Variants in HHIP observed in about 807,000 individuals in gnomAD.
The protein encoded by HHIP is hedgehog-interacting protein.
In HHIP, 12 loss-of-function variants were observed where a neutral mutation model predicts 74.0. The ratio of observed to expected loss-of-function variants is 0.16; its 90% CI spans 0.10 to 0.26. The LOEUF is 0.26. Ranked by LOEUF, HHIP falls within the 10% of genes least tolerant of loss-of-function variation. HHIP has a pLI of 1.00. For synonymous variants in HHIP, 309 were observed against 311.6 expected (o/e 0.99, Z 0.09); for missense variants, 788 against 845.0 (o/e 0.93, Z 0.84).
rs1179232472 is a variant in HHIP, at chr4:144,738,279, ATTAT to A, written c.*325_*328del. 1 of 984,104 alleles carries A rather than the reference ATTAT, an allele frequency of 1.0e-6. No homozygotes were observed. Among genetic ancestry groups the A allele is most frequent in the African/African-American group, 1.7e-5 (1 of 57,378 alleles). The allele number at this position is 984,104 out of a possible 1,614,324, so 61.0% of individuals were successfully genotyped here. Reference sequence around the variant, plus strand: ...TGGATTTTTTATGTTACTAGAAGAGATTATTTGACTTCCCAGGAATTTTCTGTCT... The same window carrying A: ...TGGATTTTTTATGTTACTAGAAGAGATTGACTTCCCAGGAATTTTCTGTCT... On this transcript the variant is annotated 3_prime_UTR_variant, in exon 13 of 13. Transcript: ENST00000296575.
At chr4:144,656,687 A>G (rs955417437) in intron 2 of HHIP, among the ~76,000 whole-genome samples, 1 of 152,180 alleles carries the variant, frequency 6.6e-6, no homozygotes, top group South Asian at 2.1e-4. Flanking sequence ...CCATAGTATG[A>G]CAGTCTTCCT....
chr4:144,652,639 A>G lies in HHIP; in HGVS notation c.314A>G (p.Lys105Arg). ...FSVTNNTECG[K>R]LLEEIKCALC... ...GTTACCAACAACACAGAATGTGGGA[A>G]GTTACTGGAGGAAATCAAATGTGCA... Residue 105 changes from lysine to arginine, a missense_variant, in exon 2 of 13, where the codon AAG becomes AGG. Lys to Arg is a conservative substitution (Grantham distance 26). Transcript: ENST00000296575. 1.2e-6 allele frequency: 2 copies of G among 1,610,272 alleles called. No individual in the cohort carries two copies. Among genetic ancestry groups the G allele is most frequent in the African/African-American group, 1.3e-5 (1 of 74,938 alleles).
rs1234025939 is a variant in HHIP at position 144,738,383 on chromosome 4, G to A, written c.*426G>A. ...TCCGATGGATCTAATTAAAAAAAAG[G>A]CAATATTTTTATATTAAAGTACTAT... On this transcript the variant is annotated 3_prime_UTR_variant, in exon 13 of 13. Transcript: ENST00000296575. 3 of 974,210 alleles carry A rather than the reference G, an allele frequency of 3.1e-6. No homozygotes were observed. Among genetic ancestry groups the A allele is most frequent in the Non-Finnish European group, 3.7e-6 (3 of 819,578 alleles). The allele number at this position is 974,210 out of a possible 1,614,324, so 60.3% of individuals were successfully genotyped here. A position where few individuals can be genotyped will look rare whatever the true frequency, so the allele number is the denominator to read the frequency against.
chr4:144,715,323 G>T lies in HHIP; in HGVS notation c.1571G>T (p.Ser524Ile). Residue 524 changes from serine (S) to isoleucine (I), a missense_variant, in exon 10 of 13, where the codon AGT becomes ATT. Physicochemically the swap from Ser to Ile is moderately radical, Grantham distance 142. Coordinates refer to ENST00000296575, the MANE Select transcript of HHIP (RefSeq NM_022475.3). ...RNGNFLTLQQ[S>I]PVTKQWQEKP... ...AGGAATTTCCTAACTCTCCAGCAAAGTCCTGTGACAAAGCAGTGGCAAGAA... is the reference window on the plus strand; with the variant it reads ...AGGAATTTCCTAACTCTCCAGCAAATTCCTGTGACAAAGCAGTGGCAAGAA... 6.2e-7 allele frequency: 1 copy of T among 1,613,332 alleles called. No homozygotes were observed. The highest frequency in any genetic ancestry group is 1.3e-5 in the African/African-American group (1 of 74,996).
chr4:144,733,818 C>T (rs1731031694), intron 11 of HHIP, among the ~76,000 whole-genome samples: 1 of 152,106 alleles, frequency 6.6e-6, no homozygotes, highest in East Asian at 1.9e-4. Flanking sequence ...GCAGTTGTGA[C>T]CATGACTCCA....
chr4:144,735,027 C>T (rs969475824), intron 12 of HHIP, 138 bp downstream of exon 12: 4 of 699,112 alleles, frequency 5.7e-6, no homozygotes, highest in Non-Finnish European at 8.6e-6. Flanking sequence ...TATTAATGCT[C>T]ATCTGTTTAT....
Position 144,744,453 on chromosome 4 carries a change from C to A in HHIP, c.*6496C>A, listed in dbSNP as rs1731333103. ...TACTCGCAGGAGACACCAGACCCAA[C>A]CCATGCTTAGATTTCTGTTAATAAA... On this transcript the variant is annotated 3_prime_UTR_variant, in exon 13 of 13. Transcript: ENST00000296575. 1.3e-5 allele frequency: 2 copies of A among 152,130 alleles called. No homozygotes were observed. Among genetic ancestry groups the A allele is most frequent in the Admixed American group, 1.3e-4 (2 of 15,260 alleles). 9.4% of individuals were successfully genotyped at this position (152,130 alleles called of 1,614,324 possible).
chr4:144,700,573 G>A (rs1729945999), intron 4 of HHIP, among the ~76,000 whole-genome samples: 1 of 152,190 alleles, frequency 6.6e-6, no homozygotes, highest in Non-Finnish European at 1.5e-5. Flanking sequence ...AAAAGTGGAA[G>A]AGGAAGACAA....
intron 11 of HHIP, among the ~76,000 whole-genome samples, chr4:144,731,449 C>T (rs1730951639): frequency 6.6e-6 from 1 of 152,088 alleles, no homozygotes; most frequent in Non-Finnish European, 1.5e-5. Flanking sequence ...GATGGGGTTT[C>T]ACTCTTGTTG....
chr4:144,655,059 G>A (rs180944582), intron 2 of HHIP: 216 of 152,188 alleles, frequency 1.4e-3, no homozygotes, highest in African/African-American at 4.7e-3. Context: ...TTAACCATTT[G>A]CTTTGACTTC....
At chr4:144,672,368 T>C (rs559946977) in intron 4 of HHIP, among the ~76,000 whole-genome samples, 1 of 152,292 alleles carries the variant, frequency 6.6e-6, no homozygotes, top group East Asian at 1.9e-4. Flanking sequence ...AATGACAAGA[T>C]AATGTCTTGA....
chr4:144,675,102 C>T (rs1729137223), intron 4 of HHIP, among the ~76,000 whole-genome samples: 1 of 152,082 alleles, frequency 6.6e-6, no homozygotes, highest in Admixed American at 6.6e-5. Context: ...ACCTAATAAG[C>T]ATTTATTTCT....
chr4:144,682,058 A>G (rs1362222006), intron 4 of HHIP, among the ~76,000 whole-genome samples: 1 of 152,232 alleles, frequency 6.6e-6, no homozygotes, highest in Non-Finnish European at 1.5e-5. Flanking sequence ...ATTAATCTTC[A>G]TTGTTTAACA....
chr4:144,731,468 G>A (rs1730951996), intron 11 of HHIP, among the ~76,000 whole-genome samples: 2 of 152,116 alleles, frequency 1.3e-5, no homozygotes, highest in South Asian at 4.2e-4. Context: ...TGCCCAGGCT[G>A]GAGTGCAATG....
intron 11 of HHIP, among the ~76,000 whole-genome samples, chr4:144,727,433 T>C (rs918086716): frequency 2.0e-5 from 3 of 152,164 alleles, no homozygotes; most frequent in Non-Finnish European, 4.4e-5. Flanking sequence ...ACAGCCCCCT[T>C]ATTTTAAGTG....
In HHIP at chr4:144,717,576, T is replaced by C. The variant is rs186720043; in HGVS notation, c.1679-1299T>C. The stretch of plus-strand genomic sequence containing the variant: ...ATTATAAATATGGCTTCAAATTTTC[T>C]ATTCACATGATCAATTCAACACATA... On this transcript the variant is annotated intron_variant, in intron 10 of 12. Transcript: ENST00000296575. Among the ~76,000 whole-genome samples, 913 of 152,340 alleles carry C rather than the reference T, an allele frequency of 6.0e-3. 1 individual carries two copies. The highest frequency in any genetic ancestry group is 0.01 in the Non-Finnish European group (692 of 68,032).
intron 4 of HHIP, among the ~76,000 whole-genome samples, chr4:144,665,451 T>C (rs1053514010): frequency 3.9e-5 from 6 of 152,212 alleles, no homozygotes; most frequent in Non-Finnish European, 8.8e-5. Flanking sequence ...TATTGAGTGT[T>C]GCTGATCCTT....
In HHIP at chr4:144,646,521, C is replaced by T. The variant is rs1307394009; in HGVS notation, c.-155C>T. On this transcript the variant is annotated 5_prime_UTR_variant, in exon 1 of 13. Transcript: ENST00000296575. Reference sequence around the variant, plus strand: ...TCTTTTATTTTTTGCAAAGTTGCATCGCTGTACATATTTTTGTCCCCGCCA... The same window carrying T: ...TCTTTTATTTTTTGCAAAGTTGCATTGCTGTACATATTTTTGTCCCCGCCA... 1 of 678,806 alleles carries T rather than the reference C, an allele frequency of 1.5e-6. No individual in the cohort carries two copies. The highest frequency in any genetic ancestry group is 2.5e-6 in the Non-Finnish European group (1 of 404,124). The allele number at this position is 678,806 out of a possible 1,614,324, so 42.0% of individuals were successfully genotyped here.
In HHIP at chr4:144,744,759, A is replaced by T. The variant is rs760492034; in HGVS notation, c.*6802A>T. On this transcript the variant is annotated 3_prime_UTR_variant, in exon 13 of 13. Coordinates refer to ENST00000296575, the MANE Select transcript of HHIP (RefSeq NM_022475.3). Reference sequence around the variant, plus strand: ...CTACCATGATTATGTGCTGTAGAAAAGACAAGGACATTTACTAGGGGGGGA... The same window carrying T: ...CTACCATGATTATGTGCTGTAGAAATGACAAGGACATTTACTAGGGGGGGA... 4 of 105,448 alleles carry T rather than the reference A, an allele frequency of 3.8e-5. No individual in the cohort carries two copies. The highest frequency in any genetic ancestry group is 7.8e-5 in the Non-Finnish European group (4 of 51,292). The allele number at this position is 105,448 out of a possible 1,614,324, so 6.5% of individuals were successfully genotyped here. A position where few individuals can be genotyped will look rare whatever the true frequency, so the allele number is the denominator to read the frequency against.
Sources: gnomAD v4.1 joint callset for allele counts (sites outside exome capture counted in the v4.1 genomes callset) on GRCh38, gnomAD v4.1.1 for gene constraint, MANE v1.5 for transcripts, NCBI Gene and HGNC (gene_info 2026-07-23, HGNC 2026-07-21) for gene names.